SVIL: variants seen among roughly 807,000 people sequenced by gnomAD.
SVIL encodes the protein archvillin.
A neutral mutation model predicts 240.4 loss-of-function variants in SVIL; 101 were observed. The ratio of observed to expected loss-of-function variants is 0.42; its 90% CI spans 0.36 to 0.50. The LOEUF (loss-of-function observed/expected upper bound fraction) is 0.50, where lower values mean the gene tolerates loss of function less well. SVIL is among the 20% of genes least tolerant of loss of function. The pLI is 0.01. For missense variants in SVIL, 2,512 were observed against 2,818.7 expected (o/e 0.89, Z 2.46); for synonymous variants, 999 against 1,100.0 (o/e 0.91, Z 1.82).
chr10:29,570,919 G>A (rs1334211645), intron 1 of SVIL, among the ~76,000 whole-genome samples: 5 of 152,192 alleles, frequency 3.3e-5, no homozygotes, highest in African/African-American at 4.8e-5. Flanking sequence ...GGCATTCATC[G>A]TGTTATACAA....
chr10:29,717,112 G>A (rs7071876), intron 1 of SVIL, among the ~76,000 whole-genome samples: 29,341 of 151,384 alleles, frequency 0.19, 3,512 homozygotes, highest in African/African-American at 0.34. Context: ...GGGCCCCTGT[G>A]GTCCCAGCTA....
At chr10:29,721,700 T>G (rs1266996827) in intron 1 of SVIL, among the ~76,000 whole-genome samples, 1 of 152,152 alleles carries the variant, frequency 6.6e-6, no homozygotes, top group East Asian at 1.9e-4. Context: ...TAGCTATGCA[T>G]CCAAATACAT....
At chr10:29,634,205 A>G (rs1958221208) in intron 1 of SVIL, among the ~76,000 whole-genome samples, 1 of 152,136 alleles carries the variant, frequency 6.6e-6, no homozygotes, top group South Asian at 2.1e-4. Flanking sequence ...AAAAAAAAAA[A>G]AAGTCCAATC....
intron 1 of SVIL, among the ~76,000 whole-genome samples, chr10:29,726,760 C>T (rs1964317129): frequency 6.6e-6 from 1 of 151,974 alleles, no homozygotes; most frequent in African/African-American, 2.4e-5. Context: ...AAAAAAAGTG[C>T]TAATTAAAAT....
At chr10:29,552,850 A>G (rs1953504164) in intron 5 of SVIL, among the ~76,000 whole-genome samples, 1 of 152,134 alleles carries the variant, frequency 6.6e-6, no homozygotes, top group Non-Finnish European at 1.5e-5. Flanking sequence ...ATTTTATTAA[A>G]TAATTCCTCC....
At chr10:29,582,286 T>C (rs1398401078) in intron 1 of SVIL, among the ~76,000 whole-genome samples, 2 of 152,306 alleles carry the variant, frequency 1.3e-5, no homozygotes, top group Middle Eastern at 3.4e-3. Context: ...TGACATACAA[T>C]GCAGGCACAT....
intron 17 of SVIL, chr10:29,507,715 A>C (rs1243455094): frequency 6.1e-6 from 6 of 976,080 alleles, no homozygotes; most frequent in Non-Finnish European, 7.3e-6. Flanking sequence ...AGTGAGGCTT[A>C]AGATGAGTGG....
chr10:29,614,987 T>C (rs1240268234), intron 1 of SVIL, among the ~76,000 whole-genome samples: 3 of 152,176 alleles, frequency 2.0e-5, no homozygotes, highest in Non-Finnish European at 4.4e-5. Context: ...CTACTATCAT[T>C]CCCATTTTAC....
intron 1 of SVIL, among the ~76,000 whole-genome samples, chr10:29,599,202 G>C (rs1366350857): frequency 6.6e-6 from 1 of 152,140 alleles, no homozygotes; most frequent in Non-Finnish European, 1.5e-5. Context: ...TCACGAGTCT[G>C]GGCAAGTAAG....
chr10:29,467,762 GC>G lies in SVIL; in HGVS notation c.5956del (p.Ala1986ProfsTer128), dbSNP rs1945092777. 6.2e-7 allele frequency: 1 copy of G among 1,614,154 alleles called. No homozygotes were observed. The highest frequency in any genetic ancestry group is 2.2e-5 in the East Asian group (1 of 44,874). Reference sequence around the variant, plus strand: ...ATTACCTTGAAGCATGCAATCGTAGGCTTTCCTGTCTCTCCTTCCTAAGGCA... The same window carrying G: ...ATTACCTTGAAGCATGCAATCGTAGGTTTCCTGTCTCTCCTTCCTAAGGCA... The part of the protein sequence containing the change: ...WDALGRRDRK[A>X]YDCMLQDPGS... On this transcript the variant is annotated frameshift_variant, in exon 33 of 38. Coordinates refer to ENST00000355867, the MANE Select transcript of SVIL (RefSeq NM_021738.3). LOFTEE classifies it high-confidence loss of function.
At chr10:29,716,661 C>T (rs988541641) in intron 1 of SVIL, among the ~76,000 whole-genome samples, 1 of 152,134 alleles carries the variant, frequency 6.6e-6, no homozygotes, top group Non-Finnish European at 1.5e-5. Context: ...AAATTAGTCA[C>T]TCAAAATAAG....
chr10:29,491,687 T>C (rs2132402419), intron 21 of SVIL, among the ~76,000 whole-genome samples: 1 of 152,230 alleles, frequency 6.6e-6, no homozygotes, highest in African/African-American at 2.4e-5. Flanking sequence ...AGAAGCGATC[T>C]CCCAACAGAC....
At chr10:29,579,310 C>T (rs921803162) in intron 1 of SVIL, among the ~76,000 whole-genome samples, 6 of 151,952 alleles carry the variant, frequency 3.9e-5, no homozygotes, top group Admixed American at 2.6e-4. Flanking sequence ...TGGTGGCGGG[C>T]GCCTGTAGTC....
chr10:29,658,325 A>G (rs1250147725), intron 2 of SVIL, among the ~76,000 whole-genome samples: 2 of 152,270 alleles, frequency 1.3e-5, no homozygotes, highest in East Asian at 1.9e-4. Flanking sequence ...AACTCAGTGA[A>G]TAAAGTCATT....
At chr10:29,458,751 C>T (rs1283322858) in intron 36 of SVIL, 162 bp from the exon 37 acceptor site, 3 of 645,488 alleles carry the variant, frequency 4.6e-6, no homozygotes, top group Non-Finnish European at 7.2e-6. Context: ...AAAGGGATCG[C>T]CCAAAGCCCT....
intron 1 of SVIL, among the ~76,000 whole-genome samples, chr10:29,614,188 A>T (rs1377938241): frequency 6.6e-6 from 1 of 152,214 alleles, no homozygotes; most frequent in Non-Finnish European, 1.5e-5. Flanking sequence ...CATAGGCTCA[A>T]ATCATTTACT....
At chr10:29,513,455 G>A (rs1949998839) in intron 16 of SVIL, among the ~76,000 whole-genome samples, 1 of 152,172 alleles carries the variant, frequency 6.6e-6, no homozygotes. Context: ...AGAATCGCTT[G>A]AACCTGGGAG....
intron 10 of SVIL, 26 bp downstream of exon 10, chr10:29,531,228 G>GA (rs752342977): frequency 5.8e-5 from 94 of 1,609,678 alleles, no homozygotes; most frequent in Non-Finnish European, 5.2e-5. Flanking sequence ...TAATAAAGAA[G>GA]AAAAAAAAGG....
At chr10:29,619,681 C>T (rs1957557184) in intron 1 of SVIL, among the ~76,000 whole-genome samples, 2 of 152,126 alleles carry the variant, frequency 1.3e-5, no homozygotes, top group Non-Finnish European at 2.9e-5. Flanking sequence ...GCCACAACTG[C>T]CAAATAATTA....
Sources: allele counts gnomAD v4.1 joint callset (sites outside exome capture counted in the v4.1 genomes callset), GRCh38; gene constraint gnomAD v4.1.1; transcripts MANE v1.5; gene names NCBI Gene and HGNC (gene_info 2026-07-23, HGNC 2026-07-21).